The following ELMO1 variants were observed in gnomAD, a reference collection of about 807,000 sequenced individuals.
The protein encoded by ELMO1 is engulfment and cell motility protein 1.
Under a neutral mutation model 98.9 loss-of-function variants are expected in ELMO1, and 26 were observed. The observed-to-expected ratio is 0.26, with a 90% CI of 0.19 to 0.36. The LOEUF (loss-of-function observed/expected upper bound fraction) is 0.36, where lower values mean the gene tolerates loss of function less well. ELMO1 is among the 10% of genes least tolerant of loss of function. The pLI is 1.00. For missense variants in ELMO1, 627 were observed against 935.2 expected (o/e 0.67, Z 4.30); for synonymous variants, 346 against 346.0 (o/e 1.00, Z 0.00).
chr7:37,267,038 TAC>T (rs60344761), intron 5 of ELMO1, among the ~76,000 whole-genome samples: 12,126 of 99,978 alleles, frequency 0.12, 1,690 homozygotes, highest in East Asian at 0.17. Context: ...TATGTATATA[TAC>T]ACACACACAC....
intron 1 of ELMO1, among the ~76,000 whole-genome samples, chr7:37,424,008 A>T (rs1410830040): frequency 6.6e-6 from 1 of 152,118 alleles, no homozygotes; most frequent in East Asian, 1.9e-4. Flanking sequence ...CCTCATGGGT[A>T]GGGGTCCCTC....
At chr7:36,859,617 C>T (rs2129032189) in intron 21 of ELMO1, among the ~76,000 whole-genome samples, 1 of 152,278 alleles carries the variant, frequency 6.6e-6, no homozygotes, top group South Asian at 2.1e-4. Flanking sequence ...CCAGCTCTGT[C>T]CTCTTACTAC....
intron 1 of ELMO1, among the ~76,000 whole-genome samples, chr7:37,399,160 G>A (rs989454175): frequency 9.2e-5 from 14 of 152,164 alleles, no homozygotes; most frequent in Admixed American, 3.9e-4. Context: ...GCCCCCTGCT[G>A]TGATGTCATA....
At chr7:37,306,636 A>C (rs893071360) in intron 4 of ELMO1, among the ~76,000 whole-genome samples, 1 of 152,236 alleles carries the variant, frequency 6.6e-6, no homozygotes, top group Non-Finnish European at 1.5e-5. Context: ...TTAGCCTTGA[A>C]CTACAGAATC....
chr7:37,242,803 G>A (rs1392513402), intron 7 of ELMO1, among the ~76,000 whole-genome samples: 2 of 152,166 alleles, frequency 1.3e-5, no homozygotes, highest in Admixed American at 1.3e-4. Flanking sequence ...TTAGCTAGCT[G>A]CTCTGCAGTC....
At chr7:37,232,641 A>G (rs1425006595) in intron 8 of ELMO1, among the ~76,000 whole-genome samples, 1 of 152,184 alleles carries the variant, frequency 6.6e-6, no homozygotes, top group Non-Finnish European at 1.5e-5. Flanking sequence ...TCTGCTTAAG[A>G]CACATGGACT....
rs187843080 is a variant in ELMO1, at chr7:37,269,903, C to T, written c.243+1929G>A. 3.9e-5 allele frequency: 6 copies of T among 152,300 alleles called. No homozygotes were observed. In the East Asian group the frequency reaches 1.2e-3, roughly 29 times the overall value. 9.4% of individuals were successfully genotyped at this position (152,300 alleles called of 1,614,324 possible). A position where few individuals can be genotyped will look rare whatever the true frequency, so the allele number is the denominator to read the frequency against. On this transcript the variant is annotated intron_variant, in intron 5 of 21. Transcript: ENST00000310758. Reference sequence around the variant, plus strand: ...GGGATGCTGAAAAACTTCACTCTGCCTAACATCTAAGCCTTCTCTCAAGGA... The same window carrying T: ...GGGATGCTGAAAAACTTCACTCTGCTTAACATCTAAGCCTTCTCTCAAGGA...
chr7:37,387,932 A>G (rs1054636132), intron 1 of ELMO1, among the ~76,000 whole-genome samples: 2 of 152,160 alleles, frequency 1.3e-5, no homozygotes, highest in South Asian at 4.1e-4. Context: ...CCTGGGCTCA[A>G]TAGTTCCTCC....
rs146740161 is a variant in ELMO1 at position 37,050,775 on chromosome 7, A to C, written c.1301-37340T>G. ...CTTAAATACATACAATTACCAAAAAAAAAAACCCTATTTGATAGATGTAGA... is the reference window on the plus strand; with the variant it reads ...CTTAAATACATACAATTACCAAAAACAAAAACCCTATTTGATAGATGTAGA... On this transcript the variant is annotated intron_variant, in intron 15 of 21. Transcript: ENST00000310758. Among the ~76,000 whole-genome samples the C allele has an allele frequency of 1.7e-3, 259 of 151,898 alleles. 5 individuals carry two copies. Among genetic ancestry groups the C allele is most frequent in the African/African-American group, 5.9e-3 (246 of 41,366 alleles).
intron 10 of ELMO1, among the ~76,000 whole-genome samples, chr7:37,217,183 A>G (rs780674557): frequency 2.0e-5 from 3 of 152,190 alleles, no homozygotes; most frequent in African/African-American, 2.4e-5. Flanking sequence ...ATCTGAGTGG[A>G]GTTTAAGTGA....
At chr7:37,078,433 CA>C (rs1216012732) in intron 15 of ELMO1, among the ~76,000 whole-genome samples, 1 of 152,050 alleles carries the variant, frequency 6.6e-6, no homozygotes, top group Non-Finnish European at 1.5e-5. Context: ...ATTAATGATC[CA>C]TCTATCTTAA....
At chr7:37,307,065 T>A (rs1051745757) in intron 4 of ELMO1, among the ~76,000 whole-genome samples, 1 of 152,228 alleles carries the variant, frequency 6.6e-6, no homozygotes, top group South Asian at 2.1e-4. Context: ...CTTAATTATC[T>A]TTCTCATTGC....
intron 10 of ELMO1, 96 bp from the exon 11 acceptor site, chr7:37,216,791 CTG>C (rs1793309633): frequency 2.5e-6 from 3 of 1,204,940 alleles, no homozygotes; most frequent in South Asian, 1.2e-5. Flanking sequence ...TGCTTCGTAA[CTG>C]TATATCAGCA....
chr7:37,094,925 C>T (rs550630989), intron 15 of ELMO1, among the ~76,000 whole-genome samples: 31 of 152,310 alleles, frequency 2.0e-4, no homozygotes, highest in African/African-American at 7.2e-4. Context: ...CTACCTCCTA[C>T]ACCAGATCAC....
chr7:37,077,470 T>C (rs947013095), intron 15 of ELMO1, among the ~76,000 whole-genome samples: 2 of 152,138 alleles, frequency 1.3e-5, no homozygotes, highest in Non-Finnish European at 2.9e-5. Flanking sequence ...AGAGGAATCA[T>C]GGCCCAATGG....
chr7:37,109,516 C>T (rs1395090835), intron 14 of ELMO1, among the ~76,000 whole-genome samples: 2 of 152,136 alleles, frequency 1.3e-5, no homozygotes, highest in Non-Finnish European at 2.9e-5. Flanking sequence ...TGCACTCCTC[C>T]GCCGCCCCCC....
chr7:36,872,361 G>A (rs1297853716), intron 19 of ELMO1, among the ~76,000 whole-genome samples: 1 of 152,214 alleles, frequency 6.6e-6, no homozygotes, highest in African/African-American at 2.4e-5. Context: ...ACACTGGTCT[G>A]TGTTCCTGAA....
intron 14 of ELMO1, among the ~76,000 whole-genome samples, chr7:37,132,005 A>G (rs895345113): frequency 1.6e-4 from 25 of 152,282 alleles, no homozygotes; most frequent in African/African-American, 5.1e-4. Context: ...CCAGTAGCAC[A>G]CCACTAGGCA....
At chr7:36,863,000 C>T (rs543918165) in intron 20 of ELMO1, among the ~76,000 whole-genome samples, 2 of 152,292 alleles carry the variant, frequency 1.3e-5, no homozygotes, top group Admixed American at 1.3e-4. Context: ...AAAGTGGCTG[C>T]ATCCCTGTCC....
Sources: allele counts gnomAD v4.1 joint callset (sites outside exome capture counted in the v4.1 genomes callset), GRCh38; gene constraint gnomAD v4.1.1; transcripts MANE v1.5; gene names NCBI Gene and HGNC (gene_info 2026-07-23, HGNC 2026-07-21).